PPP4R2: variants seen among roughly 807,000 people sequenced by gnomAD.
The protein encoded by PPP4R2 is protein phosphatase 4 regulatory subunit 2.
PPP4R2 carries 13 observed loss-of-function variants against 47.2 expected under a neutral mutation model. The ratio of observed to expected loss-of-function variants is 0.28; its 90% confidence interval spans 0.18 to 0.44. The LOEUF is 0.44. PPP4R2 is among the 20% of genes least tolerant of loss of function. PPP4R2 has a pLI of 1.00. For missense variants in PPP4R2, 421 were observed against 491.2 expected (o/e 0.86, Z 1.35); for synonymous variants, 151 against 163.3 (o/e 0.92, Z 0.57).
intron 2 of PPP4R2, among the ~76,000 whole-genome samples, chr3:73,010,024 A>T (rs1193555562): frequency 1.3e-5 from 2 of 152,182 alleles, no homozygotes; most frequent in African/African-American, 4.8e-5. Context: ...ACCTTGGGTA[A>T]CCTATTACCT....
chr3:73,053,778 A>T (rs1017510964), intron 3 of PPP4R2, among the ~76,000 whole-genome samples: 6 of 151,522 alleles, frequency 4.0e-5, no homozygotes, highest in South Asian at 2.1e-4. Context: ...GCGTGGTGGC[A>T]GGCGCCTGTA....
intron 4 of PPP4R2, 116 bp downstream of exon 4, chr3:73,059,246 C>G (rs1702793115): frequency 1.8e-6 from 1 of 570,694 alleles, no homozygotes; most frequent in East Asian, 3.2e-5. Flanking sequence ...GTTTTTCAGC[C>G]TACCTTGAGT....
chr3:73,054,689 G>A (rs755760003), intron 3 of PPP4R2, among the ~76,000 whole-genome samples: 5 of 152,052 alleles, frequency 3.3e-5, no homozygotes, highest in Non-Finnish European at 5.9e-5. Flanking sequence ...TGTGCTACAT[G>A]TTACATTCCT....
chr3:73,044,446 C>T (rs1054502939), intron 2 of PPP4R2, among the ~76,000 whole-genome samples: 1 of 152,006 alleles, frequency 6.6e-6, no homozygotes, highest in Non-Finnish European at 1.5e-5. Flanking sequence ...GTTAGCTGGA[C>T]GTAGTGGTAG....
At chr3:73,019,789 T>C (rs201178692) in intron 2 of PPP4R2, among the ~76,000 whole-genome samples, 4 of 151,116 alleles carry the variant, frequency 2.6e-5, no homozygotes, top group Non-Finnish European at 4.4e-5. Flanking sequence ...CTCTCTCTCT[T>C]CTCTCCCAAT....
intron 3 of PPP4R2, among the ~76,000 whole-genome samples, chr3:73,056,811 A>G (rs1014930669): frequency 2.6e-5 from 4 of 152,202 alleles, no homozygotes; most frequent in Non-Finnish European, 5.9e-5. Context: ...TTCAGTGTAC[A>G]TGTTGTTAAA....
chr3:73,035,205 C>T (rs548039258), intron 2 of PPP4R2, among the ~76,000 whole-genome samples: 9 of 152,180 alleles, frequency 5.9e-5, no homozygotes, highest in South Asian at 2.1e-4. Context: ...ATCGCAACCA[C>T]GATGAGATGT....
At position 73,020,362 on chromosome 3, in the gene PPP4R2, A is replaced by G. The variant is rs1220532664; in HGVS notation, c.116+22204A>G. On this transcript the variant is annotated intron_variant, in intron 2 of 8. Transcript: ENST00000356692. ...CATCCCCACGCCTGGCTTATATTTTAAAAACATTATTTTGGCCAGTTGTGG... is the reference window on the plus strand; with the variant it reads ...CATCCCCACGCCTGGCTTATATTTTGAAAACATTATTTTGGCCAGTTGTGG... 2.6e-5 allele frequency among the ~76,000 whole-genome samples: 4 copies of G among 152,018 alleles called. No homozygotes were observed. The East Asian group carries it at 7.7e-4, about 29-fold the overall frequency.
At chr3:73,028,462 C>G (rs890459690) in intron 2 of PPP4R2, among the ~76,000 whole-genome samples, 1 of 151,912 alleles carries the variant, frequency 6.6e-6, no homozygotes, top group Non-Finnish European at 1.5e-5. Context: ...AGGTAGAAGA[C>G]TTTTTTTGTT....
chr3:73,013,211 T>C (rs1701758614), intron 2 of PPP4R2, among the ~76,000 whole-genome samples: 1 of 152,212 alleles, frequency 6.6e-6, no homozygotes, highest in Admixed American at 6.5e-5. Flanking sequence ...AAAAATTATT[T>C]CTGACAAAAT....
In PPP4R2 at chr3:73,004,919, GTGTT is replaced by G. The variant is rs1034834302; in HGVS notation, c.116+6765_116+6768del. Among the ~76,000 whole-genome samples the G allele has an allele frequency of 3.3e-4, 36 of 108,728 alleles. No individual in the cohort carries two copies. The East Asian group carries it at 3.9e-3, about 12-fold the overall frequency. The allele number at this position is 108,728 out of a possible 152,430, so 71.3% of individuals were successfully genotyped here. ...TGTTTTGAGTCGGAGTCATGTGTGT[GTGTT>G]TGTGTGTTTTGAGTCGGAGTCGTGT... On this transcript the variant is annotated intron_variant, in intron 2 of 8. Transcript: ENST00000356692.
intron 5 of PPP4R2, chr3:73,062,871 C>CCT: frequency 6.2e-7 from 1 of 1,613,468 alleles, no homozygotes. Flanking sequence ...CTTTGAATCC[C>CCT]CTCTACACAA....
chr3:73,035,129 C>T (rs1281967582), intron 2 of PPP4R2, among the ~76,000 whole-genome samples: 4 of 152,182 alleles, frequency 2.6e-5, no homozygotes, highest in African/African-American at 9.6e-5. Context: ...ATTATCTGAA[C>T]ATTTTCAGAA....
intron 2 of PPP4R2, among the ~76,000 whole-genome samples, chr3:73,025,242 A>G (rs1236449190): frequency 6.6e-6 from 1 of 152,204 alleles, no homozygotes; most frequent in Non-Finnish European, 1.5e-5. Flanking sequence ...TCATATTGGT[A>G]AAATATGTTA....
At chr3:73,014,884 T>C (rs1701791149) in intron 2 of PPP4R2, 4 of 531,852 alleles carry the variant, frequency 7.5e-6, no homozygotes, top group Non-Finnish European at 1.4e-5. Flanking sequence ...TTATTCATTT[T>C]AATGAGATGG....
chr3:73,023,432 C>T (rs1375341157), intron 2 of PPP4R2, among the ~76,000 whole-genome samples: 3 of 152,208 alleles, frequency 2.0e-5, no homozygotes, highest in East Asian at 3.9e-4. Context: ...GTGATCCACC[C>T]GCCTTGGCCT....
chr3:73,015,033 G>A (rs1183291629), intron 2 of PPP4R2: 2 of 602,182 alleles, frequency 3.3e-6, no homozygotes, highest in East Asian at 2.9e-5. Flanking sequence ...ATATACTCCT[G>A]GCCTGTTTAT....
At chr3:73,007,510 C>T (rs1384859234) in intron 2 of PPP4R2, among the ~76,000 whole-genome samples, 1 of 151,292 alleles carries the variant, frequency 6.6e-6, no homozygotes, top group East Asian at 1.9e-4. Flanking sequence ...CAGAGTCTCA[C>T]TCTGTCACCC....
intron 2 of PPP4R2, among the ~76,000 whole-genome samples, chr3:73,026,005 T>C (rs1163551404): frequency 6.6e-6 from 1 of 152,192 alleles, no homozygotes; most frequent in Non-Finnish European, 1.5e-5. Context: ...TGGGTTTTTA[T>C]AGGTTTCCTA....
Sources: allele counts gnomAD v4.1 joint callset (sites outside exome capture counted in the v4.1 genomes callset), GRCh38; gene constraint gnomAD v4.1.1; transcripts MANE v1.5; gene names NCBI Gene and HGNC (gene_info 2026-07-23, HGNC 2026-07-21).